The following MGAT4C variants were observed in gnomAD, a reference collection of about 807,000 sequenced individuals.
MGAT4C encodes alpha-1,3-mannosyl-glycoprotein 4-beta-N-acetylglucosaminyltransferase C.
MGAT4C carries 19 observed loss-of-function variants against 40.1 expected under a neutral mutation model. The observed-to-expected ratio is 0.47, with a 90% confidence interval of 0.33 to 0.70. MGAT4C has a LOEUF of 0.70. MGAT4C is among the 30% of genes least tolerant of loss of function. The pLI is 0.02. For missense variants in MGAT4C, 491 were observed against 563.2 expected (o/e 0.87, Z 1.30); for synonymous variants, 181 against 187.1 (o/e 0.97, Z 0.27).
intron 1 of MGAT4C, among the ~76,000 whole-genome samples, chr12:86,079,351 A>G (rs1870393561): frequency 6.6e-6 from 1 of 152,214 alleles, no homozygotes; most frequent in Non-Finnish European, 1.5e-5. Context: ...CTTTTAATTC[A>G]TTTAAGAGTT....
chr12:86,780,122 T>A (rs1486587275), intron 1 of MGAT4C, among the ~76,000 whole-genome samples: 3 of 152,218 alleles, frequency 2.0e-5, no homozygotes, highest in Admixed American at 1.3e-4. Flanking sequence ...AATCACATTT[T>A]TTTAAATTTT....
At chr12:86,585,266 A>G (rs1253721475) in intron 2 of MGAT4C, among the ~76,000 whole-genome samples, 2 of 151,384 alleles carry the variant, frequency 1.3e-5, no homozygotes, top group Non-Finnish European at 1.5e-5. Context: ...ATAAATTTCC[A>G]CTTATTTGTA....
At chr12:86,484,857 C>T (rs762603562) in intron 2 of MGAT4C, among the ~76,000 whole-genome samples, 2 of 152,166 alleles carry the variant, frequency 1.3e-5, no homozygotes, top group African/African-American at 2.4e-5. Flanking sequence ...GGGGTCAGGT[C>T]TTTCCCCAGC....
At chr12:86,779,685 G>A (rs545586214) in intron 1 of MGAT4C, among the ~76,000 whole-genome samples, 11 of 152,090 alleles carry the variant, frequency 7.2e-5, no homozygotes, top group African/African-American at 2.4e-4. Context: ...AGGCCAAGGC[G>A]GGCGGATCAC....
intron 1 of MGAT4C, among the ~76,000 whole-genome samples, chr12:86,815,080 C>T (rs117490722): frequency 0.012 from 1,842 of 151,858 alleles, 13 homozygotes; most frequent in Middle Eastern, 0.031. Context: ...TTCAAGGTAA[C>T]GATCATATTG....
intron 2 of MGAT4C, among the ~76,000 whole-genome samples, chr12:86,509,493 G>A (rs565892939): frequency 1.7e-4 from 26 of 152,206 alleles, no homozygotes; most frequent in Middle Eastern, 3.4e-3. Flanking sequence ...GTCAGGTAGC[G>A]TGATGCCTCC....
chr12:86,102,431 C>T (rs897900561), intron 1 of MGAT4C, among the ~76,000 whole-genome samples: 2 of 151,806 alleles, frequency 1.3e-5, no homozygotes, highest in Non-Finnish European at 2.9e-5. Flanking sequence ...ACGAAAAGCA[C>T]AGAAAGTGTA....
intron 1 of MGAT4C, among the ~76,000 whole-genome samples, chr12:86,227,274 C>A (rs1951129107): frequency 6.6e-6 from 1 of 151,716 alleles, no homozygotes; most frequent in Non-Finnish European, 1.5e-5. Flanking sequence ...TGCAGTGGCC[C>A]AGCATCGAAT....
At chr12:86,342,613 G>A (rs977500977) in intron 3 of MGAT4C, among the ~76,000 whole-genome samples, 1 of 152,056 alleles carries the variant, frequency 6.6e-6, no homozygotes, top group African/African-American at 2.4e-5. Context: ...TAATTTTTTT[G>A]TATTTTTAGT....
intron 2 of MGAT4C, among the ~76,000 whole-genome samples, chr12:86,001,073 T>G (rs1887242804): frequency 2.0e-5 from 3 of 152,176 alleles, no homozygotes; most frequent in Admixed American, 1.3e-4. Flanking sequence ...TCAAATCAGT[T>G]TAGCCAGAAT....
chr12:86,573,355 T>C (rs545396071), intron 2 of MGAT4C, among the ~76,000 whole-genome samples: 1 of 152,024 alleles, frequency 6.6e-6, no homozygotes, highest in East Asian at 1.9e-4. Context: ...ATTCCTCTAA[T>C]TGTATCTATA....
rs185818124 is a variant in MGAT4C at position 86,358,986 on chromosome 12, A to T, written c.-119-24859T>A. Among the ~76,000 whole-genome samples the T allele has an allele frequency of 3.3e-5, 5 of 152,350 alleles. No individual in the cohort carries two copies. The East Asian group carries it at 9.6e-4, about 29-fold the overall frequency. ...TCTGCACCAGGTAGACCTAATAGAC[A>T]TCTACAGAACTCTCCACCCCAAATC... is the stretch of plus-strand genomic sequence containing the variant. On this transcript the variant is annotated intron_variant, in intron 3 of 7. Coordinates refer to the MGAT4C transcript ENST00000548651.
chr12:86,031,537 G>T (rs1890754806), intron 2 of MGAT4C, among the ~76,000 whole-genome samples: 1 of 151,672 alleles, frequency 6.6e-6, no homozygotes, highest in Non-Finnish European at 1.5e-5. Context: ...CAATATATCA[G>T]TTGGAAAAAG....
intron 2 of MGAT4C, among the ~76,000 whole-genome samples, chr12:86,498,743 T>G (rs1958284986): frequency 6.6e-6 from 1 of 151,990 alleles, no homozygotes; most frequent in Admixed American, 6.6e-5. Flanking sequence ...TATCTCCACA[T>G]GACCACTTTA....
At position 86,717,361 on chromosome 12, in the gene MGAT4C, T is replaced by C. The variant is rs927603898; in HGVS notation, c.-229+9848A>G. ...ACTACAAGAGAAAGCAAGAATTTTG[T>C]ATTAAAACTTAGTTTTCCCTCACCT... is the stretch of plus-strand genomic sequence containing the variant. On this transcript the variant is annotated intron_variant, in intron 2 of 7. Coordinates refer to the MGAT4C transcript ENST00000548651. Among the ~76,000 whole-genome samples the C allele has an allele frequency of 2.0e-5, 3 of 152,248 alleles. No homozygotes were observed. The South Asian group carries it at 6.2e-4, about 32-fold the overall frequency.
upstream of MGAT4C, among the ~76,000 whole-genome samples, chr12:86,257,549 A>G (rs1267651654): frequency 6.6e-6 from 1 of 152,218 alleles, no homozygotes; most frequent in African/African-American, 2.4e-5. Flanking sequence ...AAAGTCACCA[A>G]CAGTGCACTT....
At chr12:86,749,263 T>C (rs568474852) in intron 1 of MGAT4C, among the ~76,000 whole-genome samples, 42 of 151,838 alleles carry the variant, frequency 2.8e-4, no homozygotes, top group Non-Finnish European at 5.6e-4. Context: ...TAGTATCTTA[T>C]AGAAATAAAT....
chr12:86,175,946 G>C (rs952099050), intron 1 of MGAT4C, among the ~76,000 whole-genome samples: 6 of 152,132 alleles, frequency 3.9e-5, no homozygotes, highest in African/African-American at 1.4e-4. Flanking sequence ...ACTCCAGCCT[G>C]GTGACAGAGG....
intron 3 of MGAT4C, among the ~76,000 whole-genome samples, chr12:86,359,244 A>C (rs998592133): frequency 6.6e-6 from 1 of 152,214 alleles, no homozygotes; most frequent in Non-Finnish European, 1.5e-5. Context: ...ACCTAATGAA[A>C]TGAAGGCAGA....
Sources: allele counts gnomAD v4.1 joint callset (sites outside exome capture counted in the v4.1 genomes callset), GRCh38; gene constraint gnomAD v4.1.1; transcripts MANE v1.5; gene names NCBI Gene and HGNC (gene_info 2026-07-23, HGNC 2026-07-21).